The following DDX60L variants were observed in gnomAD, a reference collection of about 807,000 sequenced individuals.
DDX60L encodes DExD/H-box 60 like.
Under a neutral mutation model 211.6 loss-of-function variants are expected in DDX60L, and 191 were observed. The observed-to-expected ratio is 0.90, with a 90% CI of 0.80 to 1.02. The LOEUF is 1.02. DDX60L is among the 50% of genes least tolerant of loss of function. The probability of loss-of-function intolerance (pLI) is 0.00; values close to 1 mark genes in which losing one functional copy is unlikely to be tolerated. For missense variants in DDX60L, 2,007 were observed against 1,984.1 expected, an observed-to-expected ratio of 1.01 and a Z score of -0.22; for synonymous variants, 706 against 694.1, an observed-to-expected ratio of 1.02 and a Z score of -0.27.
At chr4:168,397,318 C>G (rs1442815894) in intron 26 of DDX60L, among the ~76,000 whole-genome samples, 2 of 152,126 alleles carry the variant, frequency 1.3e-5, no homozygotes, top group Non-Finnish European at 2.9e-5. Flanking sequence ...TACTGAGGGA[C>G]TCAAAGAAGA....
intron 14 of DDX60L, among the ~76,000 whole-genome samples, chr4:168,426,580 CA>C (rs1751482633): frequency 6.6e-6 from 1 of 152,202 alleles, no homozygotes; most frequent in African/African-American, 2.4e-5. Context: ...TTCTTCCTTC[CA>C]AGCCTGTTCA....
At chr4:168,430,668 T>A in intron 12 of DDX60L, 30 bp from the exon 13 acceptor site, 1 of 1,469,532 alleles carries the variant, frequency 6.8e-7, no homozygotes, top group Non-Finnish European at 9.1e-7. Context: ...AATGTAAACA[T>A]GTATTTTAAA....
chr4:168,386,608 G>A (rs1340431742), intron 29 of DDX60L, among the ~76,000 whole-genome samples: 1 of 149,826 alleles, frequency 6.7e-6, no homozygotes, highest in East Asian at 2.0e-4. Context: ...TAAGAAAAGT[G>A]AGCGCAGAGA....
chr4:168,407,140 A>G (rs1747883906), intron 22 of DDX60L, among the ~76,000 whole-genome samples: 1 of 152,172 alleles, frequency 6.6e-6, no homozygotes, highest in African/African-American at 2.4e-5. Flanking sequence ...GATGAAGATG[A>G]TTTTATGGGT....
intron 6 of DDX60L, among the ~76,000 whole-genome samples, chr4:168,456,999 C>G (rs2150078081): frequency 7.3e-6 from 1 of 137,586 alleles, no homozygotes; most frequent in Non-Finnish European, 1.6e-5. Flanking sequence ...TCACTTGAGC[C>G]CAGGAGTTCA....
chr4:168,423,858 T>A (rs911423067), intron 14 of DDX60L, 84 bp from the exon 15 acceptor site: 2 of 860,444 alleles, frequency 2.3e-6, no homozygotes, highest in Non-Finnish European at 3.5e-6. Context: ...AGTTAATCAA[T>A]TAACCTCATG....
chr4:168,470,812 C>T, intron 4 of DDX60L: 1 of 251,300 alleles, frequency 4.0e-6, no homozygotes, highest in Non-Finnish European at 8.0e-6. Context: ...TGCACTTCAG[C>T]CTGTGCAAAA....
At chr4:168,463,784 G>A (rs1994527) in intron 4 of DDX60L, among the ~76,000 whole-genome samples, 71 of 152,206 alleles carry the variant, frequency 4.7e-4, no homozygotes, top group African/African-American at 1.7e-3. Flanking sequence ...GAATTCTTAG[G>A]AGTAAAACAA....
intron 37 of DDX60L, among the ~76,000 whole-genome samples, chr4:168,358,920 C>G (rs1226755337): frequency 1.3e-5 from 2 of 152,146 alleles, no homozygotes; most frequent in Non-Finnish European, 2.9e-5. Context: ...TTCTTTTCTT[C>G]TCTTTACACA....
At chr4:168,411,553 A>G (rs1360145400) in intron 22 of DDX60L, among the ~76,000 whole-genome samples, 1 of 152,186 alleles carries the variant, frequency 6.6e-6, no homozygotes, top group Non-Finnish European at 1.5e-5. Flanking sequence ...AGAACTGCCC[A>G]TCCCAGCAGT....
At chr4:168,379,692 T>C in intron 31 of DDX60L, 34 bp downstream of exon 31, 1 of 1,540,068 alleles carries the variant, frequency 6.5e-7, no homozygotes, top group Non-Finnish European at 9.0e-7. Context: ...ACGGTACTAG[T>C]TACAGAGAAC....
chr4:168,370,773 T>C (rs1472162749), intron 36 of DDX60L, among the ~76,000 whole-genome samples: 1 of 152,068 alleles, frequency 6.6e-6, no homozygotes, highest in African/African-American at 2.4e-5. Flanking sequence ...CTTATTTTTA[T>C]CAGAATTATT....
chr4:168,465,971 C>T (rs1757940636), intron 4 of DDX60L, among the ~76,000 whole-genome samples: 1 of 151,298 alleles, frequency 6.6e-6, no homozygotes, highest in Non-Finnish European at 1.5e-5. Context: ...AATAATCCAC[C>T]AGTCAAAGAA....
In DDX60L at chr4:168,371,631, T is replaced by C; in HGVS notation, c.4909A>G (p.Arg1637Gly). 1 of 1,563,280 alleles carries C rather than the reference T, an allele frequency of 6.4e-7. No homozygotes were observed. Among genetic ancestry groups the C allele is most frequent in the East Asian group, 2.4e-5 (1 of 41,944 alleles). ...LNFYKHNCLT[R>G]LDQKNGMRMG... ...ACTTACCCATTTTTTTGGTCTAATC[T>C]TGTCAAGCAGTTGTGTTTATAGAAA... Residue 1637 changes from arginine (R) to glycine (G), a missense_variant, in exon 36 of 38, where the codon AGA becomes GGA. By Grantham distance (125) the Arg-to-Gly change is moderately radical. Transcript: ENST00000682922.
chr4:168,410,908 G>T (rs1262362161), intron 22 of DDX60L, among the ~76,000 whole-genome samples: 2 of 152,168 alleles, frequency 1.3e-5, no homozygotes, highest in Admixed American at 6.5e-5. Context: ...GTAGAAGACA[G>T]AAATAGATAC....
chr4:168,477,308 A>G (rs916266368), intron 1 of DDX60L, among the ~76,000 whole-genome samples: 16 of 151,908 alleles, frequency 1.1e-4, no homozygotes, highest in Non-Finnish European at 1.9e-4. Context: ...CCGGCTACTC[A>G]GGAGGCTGAG....
rs772337114 is a variant in DDX60L at position 168,375,447 on chromosome 4, G to A, written c.4563C>T (p.Ala1521=). 8 of 1,612,754 alleles carry A rather than the reference G, an allele frequency of 5.0e-6. No individual in the cohort carries two copies. The highest frequency in any genetic ancestry group is 6.8e-6 in the Non-Finnish European group (8 of 1,179,324). ...ACTTGGAAGCAATCAGCAGGAAGGA[G>A]GCAAAATCCTTCATTACTGCCAGGT... ...EYNLAVMKDF[A]SFLLIASKSV... The change falls in exon 34 of 38, where the codon GCC becomes GCT. Residue 1521 remains alanine (A), a synonymous_variant. Transcript: ENST00000682922.
chr4:168,402,802 C>A (rs1747069732), intron 25 of DDX60L, among the ~76,000 whole-genome samples: 1 of 152,162 alleles, frequency 6.6e-6, no homozygotes, highest in African/African-American at 2.4e-5. Flanking sequence ...TGTTCCAGAG[C>A]TACAAACCAG....
rs1421000320 is a variant in DDX60L at position 168,361,134 on chromosome 4, CA to C, written c.4991+14del. On this transcript the variant is annotated intron_variant, in intron 37 of 37. Transcript: ENST00000682922. ...ATTAAATAATTGAGAAAATCAAACT[CA>C]GCATGAAACATACCTGATAGCCTGA... is the stretch of plus-strand genomic sequence containing the variant. 6 of 1,585,754 alleles carry C rather than the reference CA, an allele frequency of 3.8e-6. No individual in the cohort carries two copies. The highest frequency in any genetic ancestry group is 1.7e-4 in the Middle Eastern group (1 of 6,032).
Sources: gnomAD v4.1 joint callset for allele counts (sites outside exome capture counted in the v4.1 genomes callset) on GRCh38, gnomAD v4.1.1 for gene constraint, MANE v1.5 for transcripts, NCBI Gene and HGNC (gene_info 2026-07-23, HGNC 2026-07-21) for gene names.